PDE10A: variants seen among roughly 807,000 people sequenced by gnomAD.
PDE10A encodes phosphodiesterase 10A, also known as cAMP and cAMP-inhibited cGMP 3',5'-cyclic phosphodiesterase 10A.
A neutral mutation model predicts 97.7 loss-of-function variants in PDE10A; 39 were observed. That is an observed-to-expected ratio of 0.40 (90% CI 0.31 to 0.52). The LOEUF is 0.52. PDE10A is among the 20% of genes least tolerant of loss of function. PDE10A has a pLI of 0.56. For missense variants in PDE10A, 731 were observed against 1,047.8 expected (o/e 0.70, Z 4.17); for synonymous variants, 371 against 376.8 (o/e 0.98, Z 0.18).
intron 1 of PDE10A, among the ~76,000 whole-genome samples, chr6:165,965,007 G>C (rs1784468662): frequency 6.6e-6 from 1 of 152,230 alleles, no homozygotes; most frequent in Non-Finnish European, 1.5e-5. Flanking sequence ...CAGGTGATGG[G>C]GTAGGGGCAA....
At chr6:165,407,399 C>T (rs536114065) in intron 13 of PDE10A, among the ~76,000 whole-genome samples, 100 of 152,112 alleles carry the variant, frequency 6.6e-4, no homozygotes, top group African/African-American at 2.2e-3. Context: ...TCTTATAAAA[C>T]GTGGAGATAA....
chr6:165,570,607 A>G (rs1221677710), intron 1 of PDE10A, among the ~76,000 whole-genome samples: 1 of 152,170 alleles, frequency 6.6e-6, no homozygotes, highest in Non-Finnish European at 1.5e-5. Context: ...AAATAACTCG[A>G]TTTTCTTTAA....
chr6:165,385,545 G>T (rs1042231746), intron 17 of PDE10A, among the ~76,000 whole-genome samples: 2 of 152,148 alleles, frequency 1.3e-5, no homozygotes, highest in Non-Finnish European at 2.9e-5. Flanking sequence ...GGGATTTGTG[G>T]TTGCTCTGTT....
chr6:165,363,946 T>C (rs776813695), intron 18 of PDE10A, among the ~76,000 whole-genome samples: 13 of 152,178 alleles, frequency 8.5e-5, no homozygotes, highest in Non-Finnish European at 1.8e-4. Flanking sequence ...ACTTCCAAAA[T>C]TGATTTACAG....
intron 1 of PDE10A, among the ~76,000 whole-genome samples, chr6:165,898,568 C>A (rs2128483765): frequency 6.6e-6 from 1 of 152,186 alleles, no homozygotes; most frequent in Non-Finnish European, 1.5e-5. Context: ...CAAATCCAAT[C>A]CTCACCCCTC....
At chr6:165,347,540 T>C (rs1782396962) in intron 18 of PDE10A, among the ~76,000 whole-genome samples, 1 of 152,116 alleles carries the variant, frequency 6.6e-6, no homozygotes, top group Non-Finnish European at 1.5e-5. Flanking sequence ...GAATGGAAAA[T>C]GAATCTTAGG....
intron 1 of PDE10A, among the ~76,000 whole-genome samples, chr6:165,696,203 A>G (rs1791440116): frequency 6.6e-6 from 1 of 152,228 alleles, no homozygotes; most frequent in South Asian, 2.1e-4. Flanking sequence ...GAAGACCAGT[A>G]TCCAGAGCTG....
rs894415869 is a variant in PDE10A, at chr6:165,748,833, T to TGTGTGA, written c.-614-205266_-614-205265insTCACAC. On this transcript the variant is annotated intron_variant, in intron 1 of 19. Transcript: ENST00000366882. ...TTGTGTGTGTGTGTGTGTGTGTGTG[T>TGTGTGA]GATTTCACTCTCCTGTGAAGAGACA... Among the ~76,000 whole-genome samples, 3 of 151,882 alleles carry TGTGTGA rather than the reference T, an allele frequency of 2.0e-5. No individual in the cohort carries two copies. In the East Asian group the frequency reaches 5.8e-4, roughly 29 times the overall value.
chr6:165,413,667 C>G lies in PDE10A; in HGVS notation c.1910G>C (p.Gly637Ala). Residue 637 changes from glycine to alanine, a missense_variant, in exon 13 of 22, where the codon GGC becomes GCC. Gly to Ala is a moderately conservative substitution (Grantham distance 60). Transcript: ENST00000539869. ...GCACAGGATGTTCCGCGTGGTGTAG[C>G]CTGTGTACAAGTCTACTTCTCTGTG... ...RFNREVDLYTGYTTRNILCMP... is the reference protein window; with the variant it reads ...RFNREVDLYTAYTTRNILCMP... The G allele has an allele frequency of 6.2e-7, 1 of 1,613,804 alleles. No individual in the cohort carries two copies. Among genetic ancestry groups the G allele is most frequent in the African/African-American group, 1.3e-5 (1 of 75,012 alleles).
chr6:165,541,754 G>C (rs1783452595), intron 2 of PDE10A, among the ~76,000 whole-genome samples: 1 of 152,098 alleles, frequency 6.6e-6, no homozygotes, highest in South Asian at 2.1e-4. Flanking sequence ...GGTTAGTCTT[G>C]ATATTAAATG....
chr6:165,539,784 G>A (rs568867992), intron 2 of PDE10A, among the ~76,000 whole-genome samples: 12 of 152,068 alleles, frequency 7.9e-5, no homozygotes, highest in East Asian at 7.8e-4. Context: ...AATAGTAGCC[G>A]GGCGTGGTGG....
At chr6:165,709,781 C>T (rs1175879012) in intron 1 of PDE10A, among the ~76,000 whole-genome samples, 1 of 146,908 alleles carries the variant, frequency 6.8e-6, no homozygotes. Context: ...TCTTTCCTTC[C>T]CGGCATCTCT....
intron 1 of PDE10A, among the ~76,000 whole-genome samples, chr6:165,654,954 C>T (rs922984414): frequency 2.6e-5 from 4 of 152,310 alleles, no homozygotes; most frequent in African/African-American, 7.2e-5. Context: ...TCCTATCCTC[C>T]GACTTCTGCT....
intron 1 of PDE10A, among the ~76,000 whole-genome samples, chr6:165,561,064 A>G (rs1194481731): frequency 1.3e-5 from 2 of 151,862 alleles, no homozygotes; most frequent in Non-Finnish European, 2.9e-5. Context: ...CTAAAAATAC[A>G]AAAAATTAGC....
At chr6:165,684,221 G>A (rs894621921) in intron 1 of PDE10A, among the ~76,000 whole-genome samples, 7 of 152,044 alleles carry the variant, frequency 4.6e-5, no homozygotes, top group Admixed American at 1.3e-4. Flanking sequence ...GTCTCCTCTC[G>A]CTAAGATCCC....
At chr6:165,370,036 TTC>T (rs1583135177) in intron 18 of PDE10A, among the ~76,000 whole-genome samples, 2 of 152,126 alleles carry the variant, frequency 1.3e-5, no homozygotes, top group East Asian at 3.9e-4. Flanking sequence ...TGCTGAGAGA[TTC>T]TGTTACCACC....
At chr6:165,461,281 T>G (rs1188589444) in intron 3 of PDE10A, among the ~76,000 whole-genome samples, 2 of 152,200 alleles carry the variant, frequency 1.3e-5, no homozygotes, top group Admixed American at 1.3e-4. Context: ...TTTAAAAGAC[T>G]GTTTGTTTGC....
chr6:165,607,928 C>A (rs1041413790), intron 1 of PDE10A, among the ~76,000 whole-genome samples: 1 of 151,976 alleles, frequency 6.6e-6, no homozygotes, highest in African/African-American at 2.4e-5. Flanking sequence ...GCTGAGTTTG[C>A]AGAGAACAGA....
intron 7 of PDE10A, 97 bp downstream of exon 7, chr6:165,432,877 G>A (rs1789700116): frequency 5.1e-6 from 4 of 781,744 alleles, no homozygotes. Flanking sequence ...ATTAATTCAT[G>A]TATTTTCAGT....
Sources: gnomAD v4.1 joint callset for allele counts (sites outside exome capture counted in the v4.1 genomes callset) on GRCh38, gnomAD v4.1.1 for gene constraint, MANE v1.5 for transcripts, NCBI Gene and HGNC (gene_info 2026-07-23, HGNC 2026-07-21) for gene names.